Variants in COL23A1 observed in about 807,000 individuals in gnomAD.
The protein encoded by COL23A1 is collagen alpha-1(XXIII) chain.
A neutral mutation model predicts 99.3 loss-of-function variants in COL23A1; 97 were observed. The observed-to-expected ratio is 0.98, with a 90% confidence interval of 0.83 to 1.16. The LOEUF (loss-of-function observed/expected upper bound fraction) is 1.16. Ranked by LOEUF, COL23A1 falls within the 50% of genes most tolerant of loss-of-function variation. The probability of loss-of-function intolerance (pLI) is 0.00; values close to 1 mark genes in which losing one functional copy is unlikely to be tolerated. For synonymous variants in COL23A1, 320 were observed against 308.2 expected, an observed-to-expected ratio of 1.04 and a Z score of -0.40; for missense variants, 762 against 757.4, an observed-to-expected ratio of 1.01 and a Z score of -0.07.
chr5:178,250,996 AAAAG>A (rs1446221381), intron 17 of COL23A1, among the ~76,000 whole-genome samples: 1 of 150,708 alleles, frequency 6.6e-6, no homozygotes, highest in Non-Finnish European at 1.5e-5. Context: ...AAAAAAAAAA[AAAAG>A]AGTATGTTCT....
intron 8 of COL23A1, among the ~76,000 whole-genome samples, chr5:178,263,986 C>T (rs933634570): frequency 5.9e-5 from 9 of 152,224 alleles, no homozygotes; most frequent in Middle Eastern, 6.8e-3. Flanking sequence ...GCTGTATCTA[C>T]GTAACACTCT....
intron 2 of COL23A1, among the ~76,000 whole-genome samples, chr5:178,357,922 A>G (rs201163593): frequency 1.3e-4 from 13 of 97,610 alleles, no homozygotes; most frequent in African/African-American, 4.5e-4. Flanking sequence ...GTGTATGTGT[A>G]TGTGTGTATG....
In COL23A1 at chr5:178,366,503, C is replaced by T. The variant is rs1762487122; in HGVS notation, c.362-59584G>A. On this transcript the variant is annotated intron_variant, in intron 2 of 28. Coordinates refer to ENST00000390654, the MANE Select transcript of COL23A1 (RefSeq NM_173465.4). This position sits in a 1 kb window ranked among gnomAD's most constrained non-coding sequence, Gnocchi z 4.4. ...TTGCTCACGGCGTCTTCTGCACCTG[C>T]ACTCCCATCTGACCTTTCCAGACCA... Among the ~76,000 whole-genome samples, 1 of 152,206 alleles carries T rather than the reference C, an allele frequency of 6.6e-6. No homozygotes were observed. Among genetic ancestry groups the T allele is most frequent in the Non-Finnish European group, 1.5e-5 (1 of 68,044 alleles).
intron 2 of COL23A1, among the ~76,000 whole-genome samples, chr5:178,441,645 A>C (rs1766872728): frequency 6.6e-6 from 1 of 152,120 alleles, no homozygotes; most frequent in Admixed American, 6.5e-5. Flanking sequence ...ATGTTTGGAG[A>C]AAGACAAACA....
intron 2 of COL23A1, among the ~76,000 whole-genome samples, chr5:178,360,304 G>A (rs774173871): frequency 2.0e-5 from 3 of 152,212 alleles, no homozygotes; most frequent in Non-Finnish European, 4.4e-5. Flanking sequence ...TAGAAACTGC[G>A]AAGCTTTTTT....
chr5:178,284,650 AATAAT>A (rs1223348148), intron 5 of COL23A1, among the ~76,000 whole-genome samples: 1 of 152,228 alleles, frequency 6.6e-6, no homozygotes, highest in Non-Finnish European at 1.5e-5. Flanking sequence ...TGTCAATATA[AATAAT>A]TTAACTTTGA....
intron 2 of COL23A1, chr5:178,345,086 C>T: frequency 3.4e-6 from 2 of 591,596 alleles, no homozygotes; most frequent in East Asian, 8.5e-5. Context: ...TGGTTCATCT[C>T]TTCCTGGTAA....
intron 25 of COL23A1, among the ~76,000 whole-genome samples, chr5:178,244,754 A>G (rs1484178321): frequency 6.6e-6 from 1 of 152,236 alleles, no homozygotes; most frequent in Non-Finnish European, 1.5e-5. Context: ...AAGCCAGTTT[A>G]AACTATGTTT....
chr5:178,483,533 A>G (rs972435747), intron 2 of COL23A1, among the ~76,000 whole-genome samples: 5 of 152,244 alleles, frequency 3.3e-5, no homozygotes, highest in African/African-American at 9.6e-5. Flanking sequence ...GCACATGTGA[A>G]AAAATTATGA....
intron 2 of COL23A1, among the ~76,000 whole-genome samples, chr5:178,504,862 C>T (rs1005869291): frequency 6.6e-6 from 1 of 152,112 alleles, no homozygotes; most frequent in Admixed American, 6.6e-5. Flanking sequence ...ACCAGAAATC[C>T]GAGTTTTACA....
At chr5:178,251,411 G>A (rs1303351151) in intron 17 of COL23A1, among the ~76,000 whole-genome samples, 8 of 151,888 alleles carry the variant, frequency 5.3e-5, no homozygotes, top group Non-Finnish European at 1.2e-4. Flanking sequence ...CAAGATACCT[G>A]GAAAAAAATC....
intron 2 of COL23A1, among the ~76,000 whole-genome samples, chr5:178,502,277 G>GC (rs1441730951): frequency 2.6e-5 from 4 of 152,080 alleles, no homozygotes; most frequent in Non-Finnish European, 4.4e-5. Flanking sequence ...GACTACAGGC[G>GC]CCCGCCACCA....
rs1269636962 is a variant in COL23A1, at chr5:178,523,199, T to TAG, written c.361+37482_361+37483insCT. Among the ~76,000 whole-genome samples, 112 of 75,966 alleles carry TAG rather than the reference T, an allele frequency of 1.5e-3. 1 individual carries two copies. The highest frequency in any genetic ancestry group is 0.014 in the East Asian group (42 of 3,100). 49.8% of individuals were successfully genotyped at this position (75,966 alleles called of 152,430 possible). On this transcript the variant is annotated intron_variant, in intron 2 of 28. Coordinates refer to ENST00000390654, the MANE Select transcript of COL23A1 (RefSeq NM_173465.4). ...ATATACACATATATATATATATATA[T>TAG]ATAGAGAGAGAGAGAGAGAGAGAGA...
At chr5:178,551,565 T>C (rs1762005130) in intron 2 of COL23A1, among the ~76,000 whole-genome samples, 1 of 152,186 alleles carries the variant, frequency 6.6e-6, no homozygotes, top group South Asian at 2.1e-4. Context: ...CTTCTCTGTC[T>C]TCTCCTGTGC....
At chr5:178,450,738 C>A (rs1459255835) in intron 2 of COL23A1, among the ~76,000 whole-genome samples, 1 of 152,152 alleles carries the variant, frequency 6.6e-6, no homozygotes, top group Non-Finnish European at 1.5e-5. Flanking sequence ...AGACTAGGTG[C>A]TCTCTCCATG....
At chr5:178,256,063 A>T (rs915884010) in intron 15 of COL23A1, among the ~76,000 whole-genome samples, 2 of 152,156 alleles carry the variant, frequency 1.3e-5, no homozygotes, top group Non-Finnish European at 2.9e-5. Context: ...CTGAATACAT[A>T]AAGAAAGGAA....
chr5:178,521,968 C>G (rs1234901232), intron 2 of COL23A1, among the ~76,000 whole-genome samples: 1 of 152,110 alleles, frequency 6.6e-6, no homozygotes, highest in Non-Finnish European at 1.5e-5. Flanking sequence ...ATTCATGCCA[C>G]CAAATTGTAC....
At position 178,307,156 on chromosome 5, in the gene COL23A1, C is replaced by A. The variant is rs72819090; in HGVS notation, c.362-237G>T. 8.5e-4 allele frequency among the ~76,000 whole-genome samples: 129 copies of A among 152,174 alleles called. No homozygotes were observed. The East Asian group carries it at 0.015, about 18-fold the overall frequency. The stretch of plus-strand genomic sequence containing the variant: ...AGGTGGCCGCATCCCTCATGCCCCA[C>A]GCACCCATTCTGTCATTCAATCATC... On this transcript the variant is annotated intron_variant, in intron 2 of 28. Transcript: ENST00000390654. The surrounding 1 kb of genome is among the most constrained non-coding windows in gnomAD (Gnocchi z 4.2).
At chr5:178,565,615 G>C (rs1762804539) in intron 1 of COL23A1, among the ~76,000 whole-genome samples, 1 of 152,148 alleles carries the variant, frequency 6.6e-6, no homozygotes, top group Non-Finnish European at 1.5e-5. Context: ...TTATGGGCCA[G>C]ACACTGCGCC....
Sources: allele counts gnomAD v4.1 joint callset (sites outside exome capture counted in the v4.1 genomes callset), GRCh38; gene constraint gnomAD v4.1.1; non-coding constraint Gnocchi (gnomAD v3.1); transcripts MANE v1.5; gene names NCBI Gene and HGNC (gene_info 2026-07-23, HGNC 2026-07-21).